The following BPIFB1 variants were observed in gnomAD, a reference collection of about 807,000 sequenced individuals.
BPIFB1 encodes the protein BPI fold-containing family B member 1.
BPIFB1 carries 34 observed loss-of-function variants against 55.1 expected under a neutral mutation model. The observed-to-expected ratio is 0.62, with a 90% confidence interval of 0.47 to 0.82. BPIFB1 has a LOEUF of 0.82. BPIFB1 is among the 40% of genes least tolerant of loss of function. The pLI, the probability that BPIFB1 is intolerant of heterozygous loss-of-function variation, is 0.00. For synonymous variants in BPIFB1, 236 were observed against 245.3 expected, an observed-to-expected ratio of 0.96 and a Z score of 0.35; for missense variants, 532 against 593.1, an observed-to-expected ratio of 0.90 and a Z score of 1.07.
Position 33,291,891 on chromosome 20 carries a change from C to T in BPIFB1, c.516-16C>T, listed in dbSNP as rs2146528306. ...CTGACCCTTCCTAATGTCTCTCGTG[C>T]TCTCTTCCCTGAAAGGCTCTCCTTC... On this transcript the variant is annotated splice_polypyrimidine_tract_variant and intron_variant, in intron 5 of 15. Transcript: ENST00000253354. 6.2e-7 allele frequency: 1 copy of T among 1,610,692 alleles called. No individual in the cohort carries two copies. Among genetic ancestry groups the T allele is most frequent in the Non-Finnish European group, 8.5e-7 (1 of 1,176,864 alleles).
chr20:33,299,528 C>G (rs1980777008), intron 7 of BPIFB1, among the ~76,000 whole-genome samples: 1 of 152,210 alleles, frequency 6.6e-6, no homozygotes, highest in Admixed American at 6.5e-5. Context: ...TAGTTCAGTT[C>G]CGTTCCAAAC....
chr20:33,301,631 G>A (rs1175147312), intron 9 of BPIFB1, among the ~76,000 whole-genome samples: 1 of 152,214 alleles, frequency 6.6e-6, no homozygotes, highest in Admixed American at 6.5e-5. Context: ...GGAATCTGAT[G>A]CAAATGTTTC....
Position 33,286,102 on chromosome 20 carries a change from T to C in BPIFB1, c.29T>C (p.Leu10Pro), listed in dbSNP as rs2146525023. The change falls in exon 2 of 16, where the codon CTC (leucine) becomes CCC (proline). Residue 10 changes from leucine to proline, a missense_variant. Transcript: ENST00000253354. Reference protein sequence around the residue: MAGPWTFTLLCGLLAATLIQ... With the variant: MAGPWTFTLPCGLLAATLIQ... ...GCCGGCCCGTGGACCTTCACCCTTC[T>C]CTGTGGTTTGCTGGCAGCCACCTTG... The C allele has an allele frequency of 1.9e-6, 3 of 1,614,186 alleles. No homozygotes were observed. In the East Asian group the frequency reaches 6.7e-5, roughly 36 times the overall value.
At chr20:33,306,221 C>T (rs1981022549) in intron 14 of BPIFB1, among the ~76,000 whole-genome samples, 156 bp downstream of exon 14, 1 of 152,164 alleles carries the variant, frequency 6.6e-6, no homozygotes, top group African/African-American at 2.4e-5. Flanking sequence ...CTTCTCAGCC[C>T]AATTCCTTTG....
At chr20:33,295,973 AAGGAAGGG>A (rs1980640922) in intron 6 of BPIFB1, among the ~76,000 whole-genome samples, 2 of 123,000 alleles carry the variant, frequency 1.6e-5, no homozygotes, top group African/African-American at 3.2e-5. Context: ...GGAAGAAAGG[AAGGAAGGG>A]AGGGAGGGAG....
chr20:33,285,529 C>A (rs545088225), intron 1 of BPIFB1, among the ~76,000 whole-genome samples: 2 of 150,992 alleles, frequency 1.3e-5, no homozygotes, highest in African/African-American at 4.9e-5. Flanking sequence ...CTGGCTAACA[C>A]GGTGAAACCC....
chr20:33,290,050 C>T, intron 4 of BPIFB1, 58 bp downstream of exon 4: 2 of 1,320,330 alleles, frequency 1.5e-6, no homozygotes, highest in Non-Finnish European at 1.1e-6. Context: ...CTCGTTCCCC[C>T]TCCCCCGCCC....
intron 1 of BPIFB1, 37 bp from the exon 2 acceptor site, chr20:33,285,996 G>C (rs900084515): frequency 1.4e-6 from 2 of 1,381,974 alleles, no homozygotes; most frequent in Non-Finnish European, 2.0e-6. Context: ...GCCTGCCCTT[G>C]GCCCCTCTGC....
Position 33,289,892 on chromosome 20 carries a change from G to A in BPIFB1, c.265G>A (p.Val89Ile). The change falls in exon 4 of 16, where the codon GTC becomes ATC. Residue 89 changes from valine to isoleucine, a missense_variant. Coordinates refer to ENST00000253354, the MANE Select transcript of BPIFB1 (RefSeq NM_033197.3). ...TVLKHIIWLKVITANILQLQV... is the reference protein window; with the variant it reads ...TVLKHIIWLKIITANILQLQV... ...CTCCTAAACCCCATCCAGGCTGAAGGTCATCACAGCTAACATCCTCCAGCT... is the reference window on the plus strand; with the variant it reads ...CTCCTAAACCCCATCCAGGCTGAAGATCATCACAGCTAACATCCTCCAGCT... 6.2e-7 allele frequency: 1 copy of A among 1,614,124 alleles called. No individual in the cohort carries two copies. The highest frequency in any genetic ancestry group is 8.5e-7 in the Non-Finnish European group (1 of 1,179,960).
In BPIFB1 at chr20:33,291,997, A is replaced by G; in HGVS notation, c.597+9A>G. The G allele has an allele frequency of 1.9e-6, 3 of 1,613,738 alleles. No individual in the cohort carries two copies. Among genetic ancestry groups the G allele is most frequent in the Non-Finnish European group, 2.5e-6 (3 of 1,179,564 alleles). Reference sequence around the variant, plus strand: ...ATCTAGTGAAAAACCAGGTGAGTGGAATCAGGGCCTCTCTGGCCTGTGGGC... The same window carrying G: ...ATCTAGTGAAAAACCAGGTGAGTGGGATCAGGGCCTCTCTGGCCTGTGGGC... On this transcript the variant is annotated intron_variant, in intron 6 of 15. Coordinates refer to ENST00000253354, the MANE Select transcript of BPIFB1 (RefSeq NM_033197.3).
chr20:33,285,238 C>T (rs1253601580), intron 1 of BPIFB1, among the ~76,000 whole-genome samples: 1 of 152,072 alleles, frequency 6.6e-6, no homozygotes, highest in Admixed American at 6.5e-5. Flanking sequence ...CAGGAGAGAA[C>T]ACAGTATGTT....
chr20:33,290,528 G>A (rs559494873), intron 4 of BPIFB1, among the ~76,000 whole-genome samples: 8 of 152,092 alleles, frequency 5.3e-5, no homozygotes, highest in East Asian at 3.9e-4. Context: ...AGGATATCCC[G>A]GGGAACTGAA....
chr20:33,306,979 C>G lies in BPIFB1; in HGVS notation c.1387C>G (p.Leu463Val). The change falls in exon 15 of 16, where the codon CTG becomes GTG. Residue 463 changes from leucine to valine, a missense_variant. Leu to Val is a conservative substitution (Grantham distance 32). Transcript: ENST00000253354. Reference sequence around the variant, plus strand: ...GGGATTCGAGGCAGCTGAGTCCTCACTGACCAAGGTGAGTGGGTGTGGCCC... The same window carrying G: ...GGGATTCGAGGCAGCTGAGTCCTCAGTGACCAAGGTGAGTGGGTGTGGCCC... ...ALGFEAAESSLTKDALVLTPA... is the reference protein window; with the variant it reads ...ALGFEAAESSVTKDALVLTPA... 6.2e-7 allele frequency: 1 copy of G among 1,614,078 alleles called. No individual in the cohort carries two copies. Among genetic ancestry groups the G allele is most frequent in the Non-Finnish European group, 8.5e-7 (1 of 1,179,876 alleles).
chr20:33,291,620 GC>G (rs71338470), intron 5 of BPIFB1, among the ~76,000 whole-genome samples: 2 of 152,184 alleles, frequency 1.3e-5, no homozygotes, highest in East Asian at 3.9e-4. Flanking sequence ...AAAACATGGC[GC>G]CCCCCCTTCC....
chr20:33,303,939 T>C lies in BPIFB1; in HGVS notation c.1141-19T>C, dbSNP rs150727741. 1.8e-3 allele frequency: 2,958 copies of C among 1,613,512 alleles called. 63 individuals are homozygous for C. The African/African-American group carries it at 0.035, about 19-fold the overall frequency. On this transcript the variant is annotated intron_variant, in intron 11 of 15. Transcript: ENST00000253354. ...GGATCCTCTTGAGAACAATGGGGCC[T>C]GGGCTTCTCTTGTTGCAGGAAGCCA... is the stretch of plus-strand genomic sequence containing the variant.
chr20:33,308,756 C>T (rs1413493716), intron 15 of BPIFB1, among the ~76,000 whole-genome samples: 6 of 143,598 alleles, frequency 4.2e-5, no homozygotes, highest in Non-Finnish European at 7.5e-5. Flanking sequence ...TGCACACATA[C>T]ACACCACACA....
chr20:33,308,525 T>G (rs1335747736), intron 15 of BPIFB1, among the ~76,000 whole-genome samples: 1 of 140,530 alleles, frequency 7.1e-6, no homozygotes, highest in African/African-American at 2.8e-5. Context: ...TACACCTTTA[T>G]ACACATACAT....
chr20:33,301,207 G>T, intron 8 of BPIFB1, 26 bp from the exon 9 acceptor site: 7 of 1,600,706 alleles, frequency 4.4e-6, no homozygotes, highest in Non-Finnish European at 5.1e-6. Context: ...AAAATTCTTA[G>T]CTGACTCCCT....
In BPIFB1 at chr20:33,288,842, C is replaced by T; in HGVS notation, c.217C>T (p.Leu73=). The change falls in exon 3 of 16, where the codon CTG becomes TTG. Residue 73 remains leucine (L), a synonymous_variant. Transcript: ENST00000253354. ...AAAGCCAGCCGGAGGCATCCCTGTG[C>T]TGGGCAGCCTGGTGAACACCGTCCT... ...REKPAGGIPV[L]GSLVNTVLKH... The T allele has an allele frequency of 6.2e-7, 1 of 1,613,882 alleles. No homozygotes were observed. Among genetic ancestry groups the T allele is most frequent in the Non-Finnish European group, 8.5e-7 (1 of 1,180,006 alleles).
Sources: allele counts gnomAD v4.1 joint callset (sites outside exome capture counted in the v4.1 genomes callset), GRCh38; gene constraint gnomAD v4.1.1; transcripts MANE v1.5; gene names NCBI Gene and HGNC (gene_info 2026-07-23, HGNC 2026-07-21).